The following UNC13C variants were observed in gnomAD, a reference collection of about 807,000 sequenced individuals.
UNC13C encodes unc-13 homolog C, also known as protein unc-13 homolog C.
In UNC13C, 174 loss-of-function variants were observed where a neutral mutation model predicts 245.4. The ratio of observed to expected loss-of-function variants is 0.71; its 90% CI spans 0.63 to 0.80. The LOEUF is 0.80. UNC13C is among the 30% of genes least tolerant of loss of function. The pLI, the probability that UNC13C is intolerant of heterozygous loss-of-function variation, is 0.00. For missense variants in UNC13C, 2,829 were observed against 2,602.9 expected (o/e 1.09, Z -1.89); for synonymous variants, 992 against 895.1 (o/e 1.11, Z -1.93).
chr15:54,527,563 T>A (rs1453278168), intron 25 of UNC13C, among the ~76,000 whole-genome samples: 2 of 152,180 alleles, frequency 1.3e-5, no homozygotes, highest in African/African-American at 4.8e-5. Context: ...GGTGGAATAT[T>A]CAGGTTATAA....
At chr15:54,211,889 G>A (rs1047915324) in intron 4 of UNC13C, among the ~76,000 whole-genome samples, 1 of 152,050 alleles carries the variant, frequency 6.6e-6, no homozygotes, top group African/African-American at 2.4e-5. Context: ...CATTATTGAT[G>A]CCAAAGTCTT....
At position 54,061,123 on chromosome 15, in the gene UNC13C, TAAA is replaced by T. The variant is rs10589323; in HGVS notation, c.2983+45245_2983+45247del. 4.6e-5 allele frequency among the ~76,000 whole-genome samples: 7 copies of T among 151,096 alleles called. No individual in the cohort carries two copies. In the East Asian group the frequency reaches 5.9e-4, roughly 13 times the overall value. On this transcript the variant is annotated intron_variant, in intron 2 of 32. Coordinates refer to ENST00000260323, the MANE Select transcript of UNC13C (RefSeq NM_001080534.3). Reference sequence around the variant, plus strand: ...CCTAAAACTTAAAGTATAATAATAATAAAAAAAAAAGGAATCTAAATTTAAAAA... The same window carrying T: ...CCTAAAACTTAAAGTATAATAATAATAAAAAAAGGAATCTAAATTTAAAAA...
intron 2 of UNC13C, among the ~76,000 whole-genome samples, chr15:54,114,092 CA>C (rs1567024041): frequency 6.6e-6 from 1 of 152,138 alleles, no homozygotes; most frequent in African/African-American, 2.4e-5. Context: ...TTTTTATCCC[CA>C]AACCACTGCC....
the UNC13C span, among the ~76,000 whole-genome samples, chr15:53,919,836 TAC>T: frequency 6.6e-6 from 1 of 152,174 alleles, no homozygotes; most frequent in Non-Finnish European, 1.5e-5. Flanking sequence ...AAAAATATTT[TAC>T]AGTCAGACTC....
chr15:54,474,628 C>G (rs181202693), intron 19 of UNC13C, among the ~76,000 whole-genome samples: 11 of 152,112 alleles, frequency 7.2e-5, no homozygotes, highest in Admixed American at 2.0e-4. Context: ...TTCTCCCATT[C>G]TATAGGTTAT....
intron 19 of UNC13C, among the ~76,000 whole-genome samples, chr15:54,477,944 T>C (rs1892866199): frequency 6.8e-6 from 1 of 146,784 alleles, no homozygotes; most frequent in Admixed American, 6.7e-5. Context: ...GGTCCTGGAC[T>C]CTTTTTGGTT....
At chr15:54,331,404 C>T (rs1050309891) in intron 14 of UNC13C, among the ~76,000 whole-genome samples, 29 of 152,134 alleles carry the variant, frequency 1.9e-4, no homozygotes, top group South Asian at 4.1e-4. Flanking sequence ...GAGGACAGTT[C>T]AACACTGATA....
chr15:53,870,964 C>T, the UNC13C span, among the ~76,000 whole-genome samples: 2 of 152,130 alleles, frequency 1.3e-5, no homozygotes, highest in East Asian at 3.9e-4. Context: ...CCATCCTACA[C>T]AATAACTCCA....
At chr15:54,618,805 A>C (rs1900615533) in intron 30 of UNC13C, among the ~76,000 whole-genome samples, 1 of 152,206 alleles carries the variant, frequency 6.6e-6, no homozygotes, top group Admixed American at 6.6e-5. Flanking sequence ...TTCTTTTCAC[A>C]GTAATACAGG....
At chr15:54,196,344 G>GAA (rs571131122) in intron 4 of UNC13C, among the ~76,000 whole-genome samples, 19 of 136,062 alleles carry the variant, frequency 1.4e-4, no homozygotes, top group African/African-American at 4.3e-4. Context: ...GGCTACTGGA[G>GAA]AAAAAAAAAA....
chr15:54,627,353 T>G lies in UNC13C; in HGVS notation c.*240T>G. On this transcript the variant is annotated 3_prime_UTR_variant, in exon 33 of 33. Coordinates refer to ENST00000260323, the MANE Select transcript of UNC13C (RefSeq NM_001080534.3). ...GAAATATCAAGAACACCTTTTAACA[T>G]GTTTATTTTGTTTCTTTACCCATTT... The G allele has an allele frequency of 2.9e-6, 1 of 339,904 alleles. No individual in the cohort carries two copies. The highest frequency in any genetic ancestry group is 5.4e-6 in the Non-Finnish European group (1 of 186,772). The allele number at this position is 339,904 out of a possible 1,614,324, so 21.1% of individuals were successfully genotyped here. A position where few individuals can be genotyped will look rare whatever the true frequency, so the allele number is the denominator to read the frequency against.
At chr15:54,519,302 A>G (rs1037162705) in intron 24 of UNC13C, among the ~76,000 whole-genome samples, 1 of 152,198 alleles carries the variant, frequency 6.6e-6, no homozygotes, top group African/African-American at 2.4e-5. Flanking sequence ...GGTGTAATTT[A>G]AAGAAAAACA....
intron 13 of UNC13C, among the ~76,000 whole-genome samples, chr15:54,318,618 G>T (rs1363893661): frequency 6.6e-6 from 1 of 151,778 alleles, no homozygotes; most frequent in African/African-American, 2.4e-5. Flanking sequence ...TATATGGTTT[G>T]GGTATTAACA....
chr15:54,163,749 G>T (rs1477147647), intron 4 of UNC13C, among the ~76,000 whole-genome samples: 1 of 152,154 alleles, frequency 6.6e-6, no homozygotes, highest in African/African-American at 2.4e-5. Context: ...TTCTCTAAGA[G>T]ATCACCATCT....
intron 30 of UNC13C, among the ~76,000 whole-genome samples, chr15:54,600,080 T>C (rs1899326376): frequency 6.6e-6 from 1 of 152,074 alleles, no homozygotes. Context: ...ACCAGGTAAT[T>C]TGGAACAGAG....
In UNC13C at chr15:54,139,420, A is replaced by G. The variant is rs534088752; in HGVS notation, c.2984-3598A>G. On this transcript the variant is annotated intron_variant, in intron 2 of 32. Transcript: ENST00000260323. ...AGGACTTCAACATTTAAATTGGCAG[A>G]GGTAGGACACAATTCAACCCATAAC... Among the ~76,000 whole-genome samples the G allele has an allele frequency of 4.6e-5, 7 of 152,288 alleles. No homozygotes were observed. The East Asian group carries it at 7.7e-4, about 17-fold the overall frequency.
At chr15:53,881,824 C>G in the UNC13C span, among the ~76,000 whole-genome samples, 4 of 152,144 alleles carry the variant, frequency 2.6e-5, no homozygotes, top group African/African-American at 9.7e-5. Flanking sequence ...CCAAAAAGGA[C>G]CTTGTTAAAA....
At chr15:54,060,978 G>T (rs1206934558) in intron 2 of UNC13C, among the ~76,000 whole-genome samples, 3 of 152,068 alleles carry the variant, frequency 2.0e-5, no homozygotes, top group African/African-American at 7.2e-5. Flanking sequence ...GGGGTAGGGG[G>T]AGAGGGGAGG....
chr15:53,997,831 C>A (rs1037474443), intron 1 of UNC13C, among the ~76,000 whole-genome samples: 3 of 152,036 alleles, frequency 2.0e-5, no homozygotes, highest in Non-Finnish European at 2.9e-5. Flanking sequence ...TTGAGACCAT[C>A]TCACTCTGTT....
Sources: gnomAD v4.1 joint callset for allele counts (sites outside exome capture counted in the v4.1 genomes callset) on GRCh38, gnomAD v4.1.1 for gene constraint, MANE v1.5 for transcripts, NCBI Gene and HGNC (gene_info 2026-07-23, HGNC 2026-07-21) for gene names.